The following SSX7 variants were observed in gnomAD, a reference collection of about 807,000 sequenced individuals.
The protein encoded by SSX7 is SSX family member 7.
SSX7 carries 15 observed loss-of-function variants against 14.7 expected under a neutral mutation model. The observed-to-expected ratio is 1.02, with a 90% CI of 0.68 to 1.58. The LOEUF (loss-of-function observed/expected upper bound fraction) is 1.58. Ranked by LOEUF, SSX7 falls within the 40% of genes most tolerant of loss-of-function variation. SSX7 has a pLI of 0.00. For missense variants in SSX7, 178 were observed against 146.8 expected, an observed-to-expected ratio of 1.21 and a Z score of -1.10; for synonymous variants, 46 against 50.6, an observed-to-expected ratio of 0.91 and a Z score of 0.38.
At chrX:52,645,259 C>T (rs1307740599) in intron 7 of SSX7, among the ~76,000 whole-genome samples, 180 bp downstream of exon 7, 2 of 101,013 alleles carry the variant, frequency 2.0e-5, no homozygotes, top group African/African-American at 7.3e-5. Context: ...CCACAAAGGG[C>T]GAATCCGTCA....
intron 2 of SSX7, 95 bp downstream of exon 2, chrX:52,653,309 C>T: frequency 8.3e-7 from 1 of 1,208,597 alleles, no homozygotes; most frequent in Non-Finnish European, 1.1e-6. Flanking sequence ...GACCCTGGTC[C>T]TTGTCTCCAG....
At position 52,648,243 on chromosome X, in the gene SSX7, C is replaced by A. The variant is rs370675017; in HGVS notation, c.466+18G>T. On this transcript the variant is annotated intron_variant, in intron 6 of 7. Coordinates refer to ENST00000298181, the MANE Select transcript of SSX7 (RefSeq NM_173358.2). ...CCACGGAAGCCAGAGGGTTTGTTCC[C>A]GAATTCTTTCCTCTTACCGGATGTC... 18 of 1,204,533 alleles carry A rather than the reference C, an allele frequency of 1.5e-5. No homozygotes were observed. The East Asian group carries it at 3.9e-4, about 26-fold the overall frequency.
At chrX:52,654,181 C>G (rs1244983613) in intron 1 of SSX7, among the ~76,000 whole-genome samples, 1 of 109,116 alleles carries the variant, frequency 9.2e-6, no homozygotes, top group African/African-American at 3.3e-5. Context: ...GAGGGCGGAT[C>G]GCTTGAGCCC....
rs1556767281 is a variant in SSX7 at position 52,653,353 on chromosome X, AC to A, written c.69+50del. 5 of 1,209,628 alleles carry A rather than the reference AC, an allele frequency of 4.1e-6. No homozygotes were observed. The Admixed American group carries it at 1.1e-4, about 26-fold the overall frequency. On this transcript the variant is annotated intron_variant, in intron 2 of 7. Coordinates refer to ENST00000298181, the MANE Select transcript of SSX7 (RefSeq NM_173358.2). ...TCCTCCCCTCCTCAGAAACTTGGCC[AC>A]CCCACACTGTCCCCTGGGCCACTAC...
chrX:52,649,257 T>C (rs1925348799), intron 5 of SSX7, among the ~76,000 whole-genome samples: 5 of 111,209 alleles, frequency 4.5e-5, no homozygotes, highest in Non-Finnish European at 3.8e-5. Context: ...TCTTGACCTC[T>C]TGACCTAGTG....
chrX:52,645,958 T>TGTTATA (rs1925233937), intron 6 of SSX7, among the ~76,000 whole-genome samples: 1 of 112,198 alleles, frequency 8.9e-6, no homozygotes, highest in African/African-American at 3.2e-5. Flanking sequence ...TTATTATATC[T>TGTTATA]GTTATAGTGA....
chrX:52,653,174 T>C (rs1241281513), intron 2 of SSX7, 190 bp from the exon 3 acceptor site: 1 of 751,996 alleles, frequency 1.3e-6, no homozygotes, highest in Non-Finnish European at 1.6e-6. Context: ...ACTGACTCTC[T>C]TCCCACTTTC....
At chrX:52,653,176 C>T in intron 2 of SSX7, 192 bp from the exon 3 acceptor site, 1 of 754,113 alleles carries the variant, frequency 1.3e-6, no homozygotes, top group Non-Finnish European at 1.6e-6. Flanking sequence ...TGACTCTCTT[C>T]CCACTTTCCA....
chrX:52,650,246 G>A lies in SSX7; in HGVS notation c.330+107C>T, dbSNP rs1253930288. 9.2e-6 allele frequency: 9 copies of A among 979,748 alleles called. No homozygotes were observed. The African/African-American group carries it at 1.5e-4, about 17-fold the overall frequency. The allele number at this position is 979,748 out of a possible 1,213,427, so 80.7% of individuals were successfully genotyped here. On this transcript the variant is annotated intron_variant, in intron 5 of 7. Coordinates refer to ENST00000298181, the MANE Select transcript of SSX7 (RefSeq NM_173358.2). Reference sequence around the variant, plus strand: ...CATCAGGTGTTGTGATAGACATGGGGAGAAGGAGGCAGTGAGGGCATTTTT... The same window carrying A: ...CATCAGGTGTTGTGATAGACATGGGAAGAAGGAGGCAGTGAGGGCATTTTT...
At chrX:52,646,547 A>G (rs1925254342) in intron 6 of SSX7, among the ~76,000 whole-genome samples, 1 of 112,110 alleles carries the variant, frequency 8.9e-6, no homozygotes, top group African/African-American at 3.2e-5. Context: ...AAAATGTACA[A>G]TTAAGTTATT....
rs1446600643 is a variant in SSX7 at position 52,644,530 on chromosome X, C to T, written c.*145G>A. The T allele has an allele frequency of 5.1e-5, 51 of 1,001,100 alleles. 1 individual carries two copies. The highest frequency in any genetic ancestry group is 3.9e-4 in the South Asian group (20 of 50,839). 82.5% of individuals were successfully genotyped at this position (1,001,100 alleles called of 1,213,427 possible). ...CGAACTCTTGTCACACTAAGAAAAA[C>T]GACGCTCAACTTTTCACTGTTGTGA... On this transcript the variant is annotated 3_prime_UTR_variant, in exon 8 of 8. Coordinates refer to ENST00000298181, the MANE Select transcript of SSX7 (RefSeq NM_173358.2).
At chrX:52,653,339 T>C (rs1373362271) in intron 2 of SSX7, 65 bp downstream of exon 2, 7 of 1,209,858 alleles carry the variant, frequency 5.8e-6, no homozygotes, top group Non-Finnish European at 7.8e-6. Flanking sequence ...CCTCCCCTCC[T>C]CAGAAACTTG....
chrX:52,648,526 C>G (rs1925324673), intron 5 of SSX7, 130 bp from the exon 6 acceptor site: 2 of 1,009,590 alleles, frequency 2.0e-6, no homozygotes, highest in Non-Finnish European at 2.7e-6. Context: ...TTACACATGC[C>G]TAAATTAGGA....
At chrX:52,653,965 T>G (rs1601977728) in intron 1 of SSX7, among the ~76,000 whole-genome samples, 1 of 111,245 alleles carries the variant, frequency 9.0e-6, no homozygotes, top group Non-Finnish European at 1.9e-5. Context: ...GGTTCTGTTC[T>G]GTTGAAGAGA....
Position 52,650,352 on chromosome X carries a change from C to A in SSX7, c.330+1G>T, listed in dbSNP as rs1421757866. 8.3e-7 allele frequency: 1 copy of A among 1,209,822 alleles called. No homozygotes were observed. Among genetic ancestry groups the A allele is most frequent in the Non-Finnish European group, 1.1e-6 (1 of 893,941 alleles). ...GTCCTTTAGATCTGAGAGACACTCA[C>A]CTTCGGGAAGATTCTCTGGAGCCTG... On this transcript the variant is annotated splice_donor_variant, in intron 5 of 7. Transcript: ENST00000298181. LOFTEE classifies it high-confidence loss of function.
At chrX:52,649,866 C>A (rs782722404) in intron 5 of SSX7, among the ~76,000 whole-genome samples, 38 of 112,317 alleles carry the variant, frequency 3.4e-4, no homozygotes, top group Non-Finnish European at 5.6e-4. Flanking sequence ...ATTAGACTAC[C>A]ACTGCCACTG....
chrX:52,654,075 G>A (rs1428945328), intron 1 of SSX7, among the ~76,000 whole-genome samples: 15 of 111,157 alleles, frequency 1.3e-4, no homozygotes, highest in Non-Finnish European at 2.1e-4. Flanking sequence ...ACAAGAGCCC[G>A]CCATCACTTA....
rs1282525584 is a variant in SSX7, at chrX:52,652,948, C to A, written c.106G>T (p.Glu36Ter). Reference sequence around the variant, plus strand: ...TCCAAGGATTTCATCTTTTCCCACTCTTTCTTAGAGAAGTATTTGGCAATA... The same window carrying A: ...TCCAAGGATTTCATCTTTTCCCACTATTTCTTAGAGAAGTATTTGGCAATA... ...DDIAKYFSKK[E>*]WEKMKSLEKI... The change falls in exon 3 of 8, where the codon GAG (glutamate) becomes TAG (stop). Residue 36 changes from glutamate to a stop codon, truncating the protein, a stop_gained. Coordinates refer to ENST00000298181, the MANE Select transcript of SSX7 (RefSeq NM_173358.2). LOFTEE classifies it high-confidence loss of function. 8.3e-7 allele frequency: 1 copy of A among 1,202,976 alleles called. No homozygotes were observed. The highest frequency in any genetic ancestry group is 2.2e-5 in the Admixed American group (1 of 45,677).
intron 4 of SSX7, among the ~76,000 whole-genome samples, chrX:52,651,746 GCA>G (rs1925437713): frequency 9.0e-6 from 1 of 111,077 alleles, no homozygotes; most frequent in Non-Finnish European, 1.9e-5. Flanking sequence ...GTGGGGGCGG[GCA>G]CCCGTAACCC....
Sources: gnomAD v4.1 joint callset for allele counts (sites outside exome capture counted in the v4.1 genomes callset) on GRCh38, gnomAD v4.1.1 for gene constraint, MANE v1.5 for transcripts, NCBI Gene and HGNC (gene_info 2026-07-23, HGNC 2026-07-21) for gene names.